The following EFR3A variants were observed in gnomAD, a reference collection of about 807,000 sequenced individuals.
EFR3A encodes the protein EFR3 homolog A.
A neutral mutation model predicts 104.4 loss-of-function variants in EFR3A; 76 were observed. The ratio of observed to expected loss-of-function variants is 0.73; its 90% CI spans 0.60 to 0.88. EFR3A has a LOEUF of 0.88. Among genes scored for constraint, EFR3A ranks in the 40% least tolerant of loss-of-function variants. The probability of loss-of-function intolerance (pLI) is 0.00; values close to 1 mark genes in which losing one functional copy is unlikely to be tolerated. For synonymous variants in EFR3A, 330 were observed against 330.0 expected, an observed-to-expected ratio of 1.00 and a Z score of 0.00; for missense variants, 985 against 1,012.5, an observed-to-expected ratio of 0.97 and a Z score of 0.37.
At chr8:131,919,079 T>C (rs1816873623) in intron 1 of EFR3A, among the ~76,000 whole-genome samples, 1 of 130,598 alleles carries the variant, frequency 7.7e-6, no homozygotes, top group Non-Finnish European at 1.6e-5. Flanking sequence ...CTGTCCTTTG[T>C]CAGTGATTTT....
intron 6 of EFR3A, among the ~76,000 whole-genome samples, chr8:131,954,624 A>C (rs1216600024): frequency 6.7e-6 from 1 of 150,174 alleles, no homozygotes; most frequent in African/African-American, 2.4e-5. Context: ...GTTAATAATA[A>C]ATAAATAGTG....
chr8:132,010,086 TAAG>T (rs1406284181), intron 22 of EFR3A, among the ~76,000 whole-genome samples: 1 of 151,758 alleles, frequency 6.6e-6, no homozygotes, highest in Non-Finnish European at 1.5e-5. Flanking sequence ...AAAATGAAAA[TAAG>T]AATGAATTAT....
intron 2 of EFR3A, among the ~76,000 whole-genome samples, chr8:131,941,993 C>G (rs1818192218): frequency 6.6e-6 from 1 of 152,002 alleles, no homozygotes; most frequent in Admixed American, 6.6e-5. Context: ...AATTAGTAGA[C>G]TGAATATCCA....
chr8:131,984,363 A>G, intron 15 of EFR3A, 63 bp downstream of exon 15: 1 of 1,393,352 alleles, frequency 7.2e-7, no homozygotes, highest in East Asian at 2.5e-5. Flanking sequence ...CATCTTTGAA[A>G]TGTTGCCGTT....
chr8:131,988,531 C>T lies in EFR3A; in HGVS notation c.2065+829C>T, dbSNP rs1471536540. On this transcript the variant is annotated intron_variant, in intron 18 of 22. Transcript: ENST00000254624. ...TAACAGTCTGAGATGTTAATGAGTG[C>T]TTTTGCATTTTCTTTTAAATTTTAT... is the stretch of plus-strand genomic sequence containing the variant. Among the ~76,000 whole-genome samples, 3 of 151,926 alleles carry T rather than the reference C, an allele frequency of 2.0e-5. No individual in the cohort carries two copies. In the East Asian group the frequency reaches 5.8e-4, roughly 29 times the overall value.
At chr8:131,992,558 C>T (rs1821246700) in intron 18 of EFR3A, among the ~76,000 whole-genome samples, 1 of 152,030 alleles carries the variant, frequency 6.6e-6, no homozygotes, top group Non-Finnish European at 1.5e-5. Context: ...AAGGGAAGTT[C>T]ATTAATAACT....
At chr8:131,943,849 C>T (rs1316220414) in intron 2 of EFR3A, among the ~76,000 whole-genome samples, 1 of 151,998 alleles carries the variant, frequency 6.6e-6, no homozygotes, top group Non-Finnish European at 1.5e-5. Flanking sequence ...TGATGGCTTC[C>T]ACCTTCTCTG....
chr8:131,955,705 TTTTG>T, intron 6 of EFR3A, 59 bp from the exon 7 acceptor site: 3 of 1,523,154 alleles, frequency 2.0e-6, no homozygotes, highest in Non-Finnish European at 2.7e-6. Context: ...GTAAAGTATA[TTTTG>T]TTTATTAGAA....
At position 131,955,824 on chromosome 8, in the gene EFR3A, T is replaced by G; in HGVS notation, c.695T>G (p.Val232Gly). The G allele has an allele frequency of 6.2e-7, 1 of 1,613,688 alleles. No individual in the cohort carries two copies. The highest frequency in any genetic ancestry group is 8.5e-7 in the Non-Finnish European group (1 of 1,179,650). ...SATDKEENPA[V>G]LAENCFRELL... Reference sequence around the variant, plus strand: ...ACTGACAAAGAAGAGAATCCTGCTGTGCTGGCTGAAAACTGTTTCAGAGAA... The same window carrying G: ...ACTGACAAAGAAGAGAATCCTGCTGGGCTGGCTGAAAACTGTTTCAGAGAA... The change falls in exon 7 of 23, where the codon GTG (valine) becomes GGG (glycine). Residue 232 changes from valine (V) to glycine (G), a missense_variant. Val to Gly is a moderately radical substitution (Grantham distance 109). Transcript: ENST00000254624.
At position 131,968,328 on chromosome 8, in the gene EFR3A, C is replaced by T; in HGVS notation, c.889C>T (p.Leu297=). 1 of 1,613,314 alleles carries T rather than the reference C, an allele frequency of 6.2e-7. No individual in the cohort carries two copies. The highest frequency in any genetic ancestry group is 8.5e-7 in the Non-Finnish European group (1 of 1,179,520). Reference sequence around the variant, plus strand: ...TTCTCACCATGTGATCCAGGAGATTCTAGGACACCTTGATGCTCGTAAAAA... The same window carrying T: ...TTCTCACCATGTGATCCAGGAGATTTTAGGACACCTTGATGCTCGTAAAAA... The part of the protein sequence containing the change: ...QYSHHVIQEI[L]GHLDARKKDA... The change falls in exon 9 of 23, where the codon CTA becomes TTA. Residue 297 remains leucine (L), a synonymous_variant. Coordinates refer to ENST00000254624, the MANE Select transcript of EFR3A (RefSeq NM_015137.6).
In EFR3A at chr8:131,917,665, A is replaced by T. The variant is rs191088309; in HGVS notation, c.10+13343A>T. ...TGTTCTATTGATTCTTTTAATTTGT[A>T]AGAGTAGATTAAGTTTATCTTTATA... On this transcript the variant is annotated intron_variant, in intron 1 of 22. Transcript: ENST00000254624. Among the ~76,000 whole-genome samples the T allele has an allele frequency of 1.6e-3, 249 of 152,318 alleles. 1 individual carries two copies. The highest frequency in any genetic ancestry group is 6.2e-3 in the Admixed American group (95 of 15,302).
chr8:131,930,805 AT>A lies in EFR3A; in HGVS notation c.11-9692del, dbSNP rs202083946. 6.7e-3 allele frequency among the ~76,000 whole-genome samples: 1,022 copies of A among 152,082 alleles called. 3 individuals carry two copies. Among genetic ancestry groups the A allele is most frequent in the Middle Eastern group, 0.017 (5 of 294 alleles). ...TGAAGTCTTTTCTGAATGTCATAGC[AT>A]TCATTATTTTTCTCACTCATTTGGT... is the stretch of plus-strand genomic sequence containing the variant. On this transcript the variant is annotated intron_variant, in intron 1 of 22. Coordinates refer to ENST00000254624, the MANE Select transcript of EFR3A (RefSeq NM_015137.6).
intron 1 of EFR3A, among the ~76,000 whole-genome samples, chr8:131,917,082 T>G (rs1251679645): frequency 6.6e-6 from 1 of 152,242 alleles, no homozygotes; most frequent in African/African-American, 2.4e-5. Context: ...AACTAAACTG[T>G]TAGTAATTTA....
At chr8:131,914,571 G>T (rs747415167) in intron 1 of EFR3A, among the ~76,000 whole-genome samples, 5 of 152,040 alleles carry the variant, frequency 3.3e-5, no homozygotes, top group African/African-American at 4.8e-5. Context: ...TGTTGTATGG[G>T]AAGGATTCCG....
chr8:131,977,613 TA>T (rs1397174419), intron 12 of EFR3A, among the ~76,000 whole-genome samples: 10 of 152,316 alleles, frequency 6.6e-5, no homozygotes, highest in African/African-American at 2.2e-4. Flanking sequence ...CTAGCAATTG[TA>T]CTCATATTTG....
intron 14 of EFR3A, among the ~76,000 whole-genome samples, chr8:131,981,021 T>A (rs970056373): frequency 4.0e-5 from 5 of 126,028 alleles, no homozygotes; most frequent in Non-Finnish European, 8.5e-5. Flanking sequence ...GTATTTCATT[T>A]TATATATATA....
intron 18 of EFR3A, among the ~76,000 whole-genome samples, chr8:131,993,252 T>C (rs1821292960): frequency 6.6e-6 from 1 of 152,176 alleles, no homozygotes; most frequent in South Asian, 2.1e-4. Flanking sequence ...ACAGTAAAGA[T>C]TTATTTATTG....
At chr8:132,008,771 A>C (rs1586689021) in intron 22 of EFR3A, among the ~76,000 whole-genome samples, 1 of 139,972 alleles carries the variant, frequency 7.1e-6, no homozygotes, top group African/African-American at 2.6e-5. Context: ...TCTTGAACCC[A>C]GGAGGTGGAG....
intron 14 of EFR3A, among the ~76,000 whole-genome samples, chr8:131,982,909 A>G (rs1820686182): frequency 6.6e-6 from 1 of 152,172 alleles, no homozygotes; most frequent in African/African-American, 2.4e-5. Context: ...TCAGAAATAA[A>G]GGAATCTGGT....
Sources: allele counts gnomAD v4.1 joint callset (sites outside exome capture counted in the v4.1 genomes callset), GRCh38; gene constraint gnomAD v4.1.1; transcripts MANE v1.5; gene names NCBI Gene and HGNC (gene_info 2026-07-23, HGNC 2026-07-21).